Variants in DEFB132 observed in about 807,000 individuals in gnomAD.
DEFB132 encodes the protein defensin beta 132.
A neutral mutation model predicts 2.5 loss-of-function variants in DEFB132; 5 were observed. The observed-to-expected ratio is 2.00, with a 90% CI of 1.04 to 4.20. The LOEUF is 4.20. Ranked by LOEUF, DEFB132 falls within the 30% of genes most tolerant of loss-of-function variation. DEFB132 has a pLI of 0.00. For synonymous variants in DEFB132, 53 were observed against 46.2 expected, an observed-to-expected ratio of 1.15 and a Z score of -0.60; for missense variants, 112 against 110.0, an observed-to-expected ratio of 1.02 and a Z score of -0.08.
chr20:258,265 G>C (rs76961754), intron 1 of DEFB132, among the ~76,000 whole-genome samples: 15 of 152,168 alleles, frequency 9.9e-5, no homozygotes, highest in Non-Finnish European at 1.9e-4. Flanking sequence ...GCTGGCAGGT[G>C]GGGGATGGAA....
intron 1 of DEFB132, 37 bp downstream of exon 1, chr20:257,873 A>T: frequency 1.3e-6 from 2 of 1,587,228 alleles, no homozygotes; most frequent in South Asian, 2.2e-5. Context: ...AAAACTGGGA[A>T]CGAGGAACAC....
rs900749108 is a variant in DEFB132, at chr20:259,648, G to A, written c.*342G>A. On this transcript the variant is annotated 3_prime_UTR_variant, in exon 2 of 2. Coordinates refer to ENST00000382376, the MANE Select transcript of DEFB132 (RefSeq NM_207469.3). ...GTGAGACAGAGCAGCCACAGGCAGG[G>A]AGAGCCTTCAGACTGCAACGCTGGC... The A allele has an allele frequency of 2.8e-6, 1 of 353,168 alleles. No individual in the cohort carries two copies. The highest frequency in any genetic ancestry group is 2.1e-5 in the African/African-American group (1 of 46,856). 21.9% of individuals were successfully genotyped at this position (353,168 alleles called of 1,614,324 possible). A position where few individuals can be genotyped will look rare whatever the true frequency, so the allele number is the denominator to read the frequency against.
chr20:259,205 C>A lies in DEFB132; in HGVS notation c.187C>A (p.Pro63Thr). ...RKCCISYSFL[P>T]KPDLPQLIGN... Reference sequence around the variant, plus strand: ...ATGCTGCATCAGCTACTCCTTCCTGCCGAAGCCTGACCTACCACAGCTCAT... The same window carrying A: ...ATGCTGCATCAGCTACTCCTTCCTGACGAAGCCTGACCTACCACAGCTCAT... Residue 63 changes from proline to threonine, a missense_variant, in exon 2 of 2, where the codon CCG (proline) becomes ACG (threonine). Physicochemically the swap from Pro to Thr is conservative, Grantham distance 38. Coordinates refer to ENST00000382376, the MANE Select transcript of DEFB132 (RefSeq NM_207469.3). 6.2e-7 allele frequency: 1 copy of A among 1,614,184 alleles called. No individual in the cohort carries two copies. Among genetic ancestry groups the A allele is most frequent in the Non-Finnish European group, 8.5e-7 (1 of 1,180,036 alleles).
rs190539928 is a variant in DEFB132, at chr20:259,702, G to A, written c.*396G>A. 9.9e-4 allele frequency: 278 copies of A among 281,434 alleles called. 2 individuals are homozygous for A. Among genetic ancestry groups the A allele is most frequent in the African/African-American group, 5.9e-3 (262 of 44,500 alleles). The allele number at this position is 281,434 out of a possible 1,614,324, so 17.4% of individuals were successfully genotyped here. A position where few individuals can be genotyped will look rare whatever the true frequency, so the allele number is the denominator to read the frequency against. ...ATACGTGTCAAAGGAGAGAGGGATA[G>A]AGGAGGATTGAATAGAAGGAGACTA... is the stretch of plus-strand genomic sequence containing the variant. On this transcript the variant is annotated 3_prime_UTR_variant, in exon 2 of 2. Transcript: ENST00000382376.
At chr20:258,835 A>G (rs1432918676) in intron 1 of DEFB132, among the ~76,000 whole-genome samples, 2 of 71,658 alleles carry the variant, frequency 2.8e-5, no homozygotes, top group Non-Finnish European at 7.4e-5. Flanking sequence ...CAAATTTAGC[A>G]AAAAGCTTCA....
chr20:259,142 G>T lies in DEFB132; in HGVS notation c.124G>T (p.Gly42Trp), dbSNP rs376600993. The change falls in exon 2 of 2, where the codon GGG becomes TGG. Residue 42 changes from glycine to tryptophan, a missense_variant. Physicochemically the swap from Gly to Trp is radical, Grantham distance 184. Coordinates refer to ENST00000382376, the MANE Select transcript of DEFB132 (RefSeq NM_207469.3). Reference protein sequence around the residue: ...PGYCRTCCHWGETALFMCNAS... With the variant: ...PGYCRTCCHWWETALFMCNAS... ...ATACTGCAGGACATGTTGCCACTGG[G>T]GGGAGACAGCATTGTTCATGTGCAA... is the stretch of plus-strand genomic sequence containing the variant. 1.2e-6 allele frequency: 2 copies of T among 1,614,048 alleles called. No homozygotes were observed. The highest frequency in any genetic ancestry group is 1.7e-6 in the Non-Finnish European group (2 of 1,180,040).
At position 257,817 on chromosome 20, in the gene DEFB132, C is replaced by T. The variant is rs749580595; in HGVS notation, c.39C>T (p.Phe13=). Residue 13 remains phenylalanine (F), a synonymous_variant, in exon 1 of 2, where the codon TTC becomes TTT. Transcript: ENST00000382376. ...TCCTGGTCTTGGCAGCCCTCGGATT[C>T]CTGACCCAGGTGATCCCAGGTAAAC... ...FLLLVLAALG[F]LTQVIPASAG... is the part of the protein sequence containing the mutation. The T allele has an allele frequency of 6.2e-7, 1 of 1,609,434 alleles. No homozygotes were observed. The highest frequency in any genetic ancestry group is 1.7e-4 in the Middle Eastern group (1 of 6,030).
At chr20:257,965 A>G in intron 1 of DEFB132, 129 bp downstream of exon 1, 1 of 846,408 alleles carries the variant, frequency 1.2e-6, no homozygotes, top group South Asian at 1.8e-5. Flanking sequence ...AGTCTAAGGT[A>G]GAGATCTCCT....
Position 259,992 on chromosome 20 carries a change from A to G in DEFB132, c.*686A>G, listed in dbSNP as rs2011625660. On this transcript the variant is annotated 3_prime_UTR_variant, in exon 2 of 2. Transcript: ENST00000382376. ...TGCACCCCCATGGCTGCCACGGAGT[A>G]TAAGGAGGGAGAGAAAGGAGCTGAA... is the stretch of plus-strand genomic sequence containing the variant. The G allele has an allele frequency of 6.5e-6, 1 of 152,806 alleles. No homozygotes were observed. The highest frequency in any genetic ancestry group is 2.1e-4 in the South Asian group (1 of 4,844). 9.5% of individuals were successfully genotyped at this position (152,806 alleles called of 1,614,324 possible).
At position 259,291 on chromosome 20, in the gene DEFB132, G is replaced by A. The variant is rs140055672; in HGVS notation, c.273G>A (p.Thr91=). The part of the protein sequence containing the change: ...NTQRKDKKQQ[T]TVTS ...AAAGGAAAGACAAGAAGCAACAAAC[G>A]ACCGTAACATCATAATAACCACTGC... Residue 91 remains threonine, a synonymous_variant, in exon 2 of 2, where the codon ACG becomes ACA. Coordinates refer to ENST00000382376, the MANE Select transcript of DEFB132 (RefSeq NM_207469.3). 7.1e-4 allele frequency: 1,138 copies of A among 1,613,982 alleles called. 7 individuals are homozygous for A. The highest frequency in any genetic ancestry group is 5.8e-3 in the South Asian group (532 of 91,012).
rs569898443 is a variant in DEFB132 at position 259,631 on chromosome 20, G to C, written c.*325G>C. ...ACCTCTGATGGACAAAGGTGAGACA[G>C]AGCAGCCACAGGCAGGGAGAGCCTT... is the stretch of plus-strand genomic sequence containing the variant. On this transcript the variant is annotated 3_prime_UTR_variant, in exon 2 of 2. Transcript: ENST00000382376. 27 of 365,924 alleles carry C rather than the reference G, an allele frequency of 7.4e-5. No homozygotes were observed. In the East Asian group the frequency reaches 1.6e-3, roughly 22 times the overall value. 22.7% of individuals were successfully genotyped at this position (365,924 alleles called of 1,614,324 possible).
rs551261243 is a variant in DEFB132, at chr20:258,516, G to C, written c.59-561G>C. Among the ~76,000 whole-genome samples, 6 of 152,350 alleles carry C rather than the reference G, an allele frequency of 3.9e-5. No individual in the cohort carries two copies. In the South Asian group the frequency reaches 1.2e-3, roughly 32 times the overall value. ...CAGACACAGAGCACTGAGGCAAACAGATTTCAGCAGATGGTGAAATGGTGC... is the reference window on the plus strand; with the variant it reads ...CAGACACAGAGCACTGAGGCAAACACATTTCAGCAGATGGTGAAATGGTGC... On this transcript the variant is annotated intron_variant, in intron 1 of 1. Coordinates refer to ENST00000382376, the MANE Select transcript of DEFB132 (RefSeq NM_207469.3).
rs78479346 is a variant in DEFB132 at position 259,206 on chromosome 20, C to A, written c.188C>A (p.Pro63Gln). The change falls in exon 2 of 2, where the codon CCG becomes CAG. Residue 63 changes from proline (P) to glutamine (Q), a missense_variant. Transcript: ENST00000382376. ...RKCCISYSFL[P>Q]KPDLPQLIGN... ...TGCTGCATCAGCTACTCCTTCCTGC[C>A]GAAGCCTGACCTACCACAGCTCATC... is the stretch of plus-strand genomic sequence containing the variant. 1.2e-3 allele frequency: 1,991 copies of A among 1,614,146 alleles called. 17 individuals carry two copies. The African/African-American group carries it at 0.022, about 18-fold the overall frequency.
At position 257,787 on chromosome 20, in the gene DEFB132, C is replaced by T. The variant is rs1012061168; in HGVS notation, c.9C>T (p.Phe3=). The change falls in exon 1 of 2, where the codon TTC becomes TTT. Residue 3 remains phenylalanine, a synonymous_variant. Coordinates refer to ENST00000382376, the MANE Select transcript of DEFB132 (RefSeq NM_207469.3). The stretch of plus-strand genomic sequence containing the variant: ...AAGCCACCCCTTCAGCCATGAAGTT[C>T]CTGCTCCTGGTCTTGGCAGCCCTCG... MK[F]LLLVLAALGF... is the part of the protein sequence containing the mutation. 7.1e-6 allele frequency: 11 copies of T among 1,551,480 alleles called. No individual in the cohort carries two copies. The highest frequency in any genetic ancestry group is 9.6e-6 in the Non-Finnish European group (11 of 1,151,276).
At chr20:258,801 C>T (rs112609162) in intron 1 of DEFB132, among the ~76,000 whole-genome samples, 2,212 of 152,254 alleles carry the variant, frequency 0.015, 58 homozygotes, top group African/African-American at 0.05. Flanking sequence ...CCTGTTTTTA[C>T]CCATACATCC....
At position 259,366 on chromosome 20, in the gene DEFB132, T is replaced by C. The variant is rs78047866; in HGVS notation, c.*60T>C. On this transcript the variant is annotated 3_prime_UTR_variant, in exon 2 of 2. Transcript: ENST00000382376. ...ATATCATTTCCACAGTTCCAATTCC[T>C]CCTACATTGCTGAGTACTAGCCAAG... is the stretch of plus-strand genomic sequence containing the variant. 4.3e-3 allele frequency: 6,726 copies of C among 1,563,014 alleles called. 259 individuals carry two copies. The African/African-American group carries it at 0.08, about 19-fold the overall frequency.
intron 1 of DEFB132, among the ~76,000 whole-genome samples, 160 bp from the exon 2 acceptor site, chr20:258,917 T>G (rs1371908922): frequency 6.6e-6 from 1 of 152,070 alleles, no homozygotes; most frequent in East Asian, 1.9e-4. Flanking sequence ...CCAGGAAGAT[T>G]TTTGTCTCCT....
chr20:257,902 T>C, intron 1 of DEFB132, 66 bp downstream of exon 1: 4 of 1,520,998 alleles, frequency 2.6e-6, no homozygotes, highest in Non-Finnish European at 3.6e-6. Flanking sequence ...CTGGTTGCTC[T>C]GGTGATAGAT....
chr20:257,736 C>T lies in DEFB132; in HGVS notation c.-43C>T. 1 of 1,589,770 alleles carries T rather than the reference C, an allele frequency of 6.3e-7. No individual in the cohort carries two copies. Among genetic ancestry groups the T allele is most frequent in the Non-Finnish European group, 8.6e-7 (1 of 1,160,564 alleles). ...CCAAGCACATTACAGAGGGACCCAA[C>T]TCCATTAAACCACCACCAGCTCCCC... On this transcript the variant is annotated 5_prime_UTR_variant, in exon 1 of 2. Coordinates refer to ENST00000382376, the MANE Select transcript of DEFB132 (RefSeq NM_207469.3).
Sources: gnomAD v4.1 joint callset for allele counts (sites outside exome capture counted in the v4.1 genomes callset) on GRCh38, gnomAD v4.1.1 for gene constraint, MANE v1.5 for transcripts, NCBI Gene and HGNC (gene_info 2026-07-23, HGNC 2026-07-21) for gene names.